ARMC6: variants seen among roughly 807,000 people sequenced by gnomAD.
ARMC6 encodes armadillo repeat containing 6.
Under a neutral mutation model 49.2 loss-of-function variants are expected in ARMC6, and 43 were observed. The ratio of observed to expected loss-of-function variants is 0.87; its 90% CI spans 0.69 to 1.13. The LOEUF is 1.13. Among genes scored for constraint, ARMC6 ranks in the 50% most tolerant of loss-of-function variants. ARMC6 has a pLI of 0.00. For missense variants in ARMC6, 627 were observed against 682.0 expected, an observed-to-expected ratio of 0.92 and a Z score of 0.90; for synonymous variants, 262 against 289.6, an observed-to-expected ratio of 0.90 and a Z score of 0.97.
chr19:19,048,705 A>G (rs2059471914), intron 4 of ARMC6, among the ~76,000 whole-genome samples: 1 of 152,216 alleles, frequency 6.6e-6, no homozygotes, highest in South Asian at 2.1e-4. Context: ...CCAGACTCTT[A>G]GTTAATTCTC....
At chr19:19,041,226 G>A (rs2059409439) in intron 2 of ARMC6, among the ~76,000 whole-genome samples, 1 of 152,154 alleles carries the variant, frequency 6.6e-6, no homozygotes, top group Non-Finnish European at 1.5e-5. Context: ...GGCATTTTTA[G>A]TTGCTATGAC....
intron 2 of ARMC6, chr19:19,039,206 C>T: frequency 3.3e-6 from 1 of 299,044 alleles, no homozygotes; most frequent in Non-Finnish European, 7.0e-6. Flanking sequence ...CCAGTCACAG[C>T]TCACTGCAGC....
intron 5 of ARMC6, among the ~76,000 whole-genome samples, chr19:19,053,714 C>T (rs902488054): frequency 3.9e-5 from 6 of 152,144 alleles, no homozygotes; most frequent in African/African-American, 1.4e-4. Context: ...TGGGCTCCAT[C>T]TGCGGCTCCT....
In ARMC6 at chr19:19,057,824, A is replaced by G. The variant is rs746068884; in HGVS notation, c.*196A>G. On this transcript the variant is annotated 3_prime_UTR_variant, in exon 9 of 9. Coordinates refer to ENST00000535612, the MANE Select transcript of ARMC6 (RefSeq NM_001199196.2). ...CTCTACACAGAAGAAAGCAGCCCCCATGTCCCAGCCACTTCTGGGTCCCAG... is the reference window on the plus strand; with the variant it reads ...CTCTACACAGAAGAAAGCAGCCCCCGTGTCCCAGCCACTTCTGGGTCCCAG... The G allele has an allele frequency of 2.7e-6, 2 of 751,534 alleles. No homozygotes were observed. Among genetic ancestry groups the G allele is most frequent in the East Asian group, 2.4e-5 (1 of 40,862 alleles). 46.6% of individuals were successfully genotyped at this position (751,534 alleles called of 1,614,324 possible). A position where few individuals can be genotyped will look rare whatever the true frequency, so the allele number is the denominator to read the frequency against.
rs144554709 is a variant in ARMC6 at position 19,054,489 on chromosome 19, C to T, written c.1023+168C>T. On this transcript the variant is annotated intron_variant, in intron 6 of 8. Coordinates refer to ENST00000535612, the MANE Select transcript of ARMC6 (RefSeq NM_001199196.2). ...CCAAAGGTCGGGGGGGAAACAAACC[C>T]ACCTGCTCTCCCTTATTGTCCTTTT... is the stretch of plus-strand genomic sequence containing the variant. Among the ~76,000 whole-genome samples the T allele has an allele frequency of 1.1e-4, 17 of 152,236 alleles. No individual in the cohort carries two copies. The East Asian group carries it at 3.1e-3, about 28-fold the overall frequency.
At chr19:19,053,630 G>A (rs972831774) in intron 5 of ARMC6, among the ~76,000 whole-genome samples, 2 of 152,140 alleles carry the variant, frequency 1.3e-5, no homozygotes, top group Non-Finnish European at 2.9e-5. Flanking sequence ...ACTGACCGTC[G>A]CAGCCCTGTG....
intron 6 of ARMC6, among the ~76,000 whole-genome samples, chr19:19,054,677 C>T (rs775235154): frequency 6.6e-6 from 1 of 152,150 alleles, no homozygotes; most frequent in African/African-American, 2.4e-5. Context: ...GAGCCCTTCT[C>T]CATGTGCCCA....
chr19:19,057,657 G>C lies in ARMC6; in HGVS notation c.*29G>C. 6.2e-7 allele frequency: 1 copy of C among 1,603,532 alleles called. No individual in the cohort carries two copies. Among genetic ancestry groups the C allele is most frequent in the South Asian group, 1.1e-5 (1 of 90,960 alleles). The stretch of plus-strand genomic sequence containing the variant: ...CAGGCCCAGTCTGGGCCGTGACTCT[G>C]GGTGAGTCGTGTGACTCAGGAATGG... On this transcript the variant is annotated 3_prime_UTR_variant, in exon 9 of 9. Transcript: ENST00000535612.
chr19:19,057,178 T>C (rs1294405071), intron 8 of ARMC6, among the ~76,000 whole-genome samples: 2 of 152,222 alleles, frequency 1.3e-5, no homozygotes, highest in African/African-American at 2.4e-5. Flanking sequence ...TCCAAAGCCA[T>C]AGGATAGATC....
chr19:19,058,001 G>A lies in ARMC6; in HGVS notation c.*373G>A, dbSNP rs1042324571. On this transcript the variant is annotated 3_prime_UTR_variant, in exon 9 of 9. Coordinates refer to ENST00000535612, the MANE Select transcript of ARMC6 (RefSeq NM_001199196.2). ...GGGCAGGGCAGGCGATTCCAGTGGG[G>A]TTGGGCCCCCTGGCGCCTGCTGCTT... is the stretch of plus-strand genomic sequence containing the variant. 8.4e-6 allele frequency: 3 copies of A among 356,360 alleles called. No homozygotes were observed. Among genetic ancestry groups the A allele is most frequent in the African/African-American group, 4.2e-5 (2 of 47,344 alleles). 22.1% of individuals were successfully genotyped at this position (356,360 alleles called of 1,614,324 possible). A position where few individuals can be genotyped will look rare whatever the true frequency, so the allele number is the denominator to read the frequency against.
chr19:19,048,455 G>A (rs1269073705), intron 4 of ARMC6, among the ~76,000 whole-genome samples: 2 of 151,894 alleles, frequency 1.3e-5, no homozygotes, highest in East Asian at 1.9e-4. Context: ...TCCAGGAGGC[G>A]GAGGTTGCAG....
chr19:19,034,030 GA>G (rs3214142), intron 1 of ARMC6, 100 bp downstream of exon 1: 252,815 of 520,820 alleles, frequency 0.49, 56,901 homozygotes, highest in East Asian at 0.61. Context: ...GGTTTGGGGG[GA>G]AAAAAAAAAT....
intron 2 of ARMC6, among the ~76,000 whole-genome samples, chr19:19,041,850 CA>C (rs1392922304): frequency 6.6e-6 from 1 of 152,038 alleles, no homozygotes; most frequent in African/African-American, 2.4e-5. Flanking sequence ...TCAAGTATAC[CA>C]TACAATATTG....
Position 19,055,942 on chromosome 19 carries a change from G to T in ARMC6, c.1293+14G>T. 6.2e-7 allele frequency: 1 copy of T among 1,603,204 alleles called. No individual in the cohort carries two copies. Among genetic ancestry groups the T allele is most frequent in the Non-Finnish European group, 8.5e-7 (1 of 1,177,638 alleles). On this transcript the variant is annotated intron_variant, in intron 8 of 8. Transcript: ENST00000535612. The surrounding 1 kb of genome is among the most constrained non-coding windows in gnomAD (Gnocchi z 5.7). ...GCCGGCGTGCAGGTGGGCAGGGCAG[G>T]GGATGGGGGCAGGCAGGCTGGTGTG...
chr19:19,044,219 C>T (rs950007558), intron 4 of ARMC6, 145 bp downstream of exon 4: 2 of 793,346 alleles, frequency 2.5e-6, no homozygotes, highest in Non-Finnish European at 4.2e-6. Context: ...GCAGCCAGGT[C>T]TCCCTGAGTC....
At position 19,057,999 on chromosome 19, in the gene ARMC6, G is replaced by A. The variant is rs2059559262; in HGVS notation, c.*371G>A. ...CAGGGCAGGGCAGGCGATTCCAGTG[G>A]GGTTGGGCCCCCTGGCGCCTGCTGC... On this transcript the variant is annotated 3_prime_UTR_variant, in exon 9 of 9. Coordinates refer to ENST00000535612, the MANE Select transcript of ARMC6 (RefSeq NM_001199196.2). 2.8e-6 allele frequency: 1 copy of A among 351,708 alleles called. No homozygotes were observed. The highest frequency in any genetic ancestry group is 5.5e-6 in the Non-Finnish European group (1 of 183,106). The allele number at this position is 351,708 out of a possible 1,614,324, so 21.8% of individuals were successfully genotyped here.
intron 4 of ARMC6, among the ~76,000 whole-genome samples, chr19:19,049,360 T>G (rs981046604): frequency 6.6e-6 from 1 of 152,082 alleles, no homozygotes; most frequent in African/African-American, 2.4e-5. Context: ...GGCCAAGAAT[T>G]TTATTTTTAG....
At chr19:19,037,172 G>A (rs10406496) in intron 2 of ARMC6, among the ~76,000 whole-genome samples, 3,562 of 151,938 alleles carry the variant, frequency 0.023, 135 homozygotes, top group African/African-American at 0.082. Context: ...GCGACAGAGC[G>A]AGACTCTGTC....
intron 5 of ARMC6, among the ~76,000 whole-genome samples, chr19:19,053,656 C>T (rs541985769): frequency 5.9e-5 from 9 of 152,230 alleles, no homozygotes; most frequent in South Asian, 2.1e-4. Context: ...GCAGGATCTT[C>T]GCCCTCTTGG....
Sources: allele counts gnomAD v4.1 joint callset (sites outside exome capture counted in the v4.1 genomes callset), GRCh38; gene constraint gnomAD v4.1.1; non-coding constraint Gnocchi (gnomAD v3.1); transcripts MANE v1.5; gene names NCBI Gene and HGNC (gene_info 2026-07-23, HGNC 2026-07-21).